The following LDLRAD4 variants were observed in gnomAD, a reference collection of about 807,000 sequenced individuals.
LDLRAD4 encodes low-density lipoprotein receptor class A domain-containing protein 4.
LDLRAD4 carries 5 observed loss-of-function variants against 17.0 expected under a neutral mutation model. That is an observed-to-expected ratio of 0.29 (90% CI 0.15 to 0.62). The LOEUF (loss-of-function observed/expected upper bound fraction) is 0.62. LDLRAD4 is among the 20% of genes least tolerant of loss of function. LDLRAD4 has a pLI of 0.84. For missense variants in LDLRAD4, 340 were observed against 424.7 expected (o/e 0.80, Z 1.75); for synonymous variants, 168 against 171.8 (o/e 0.98, Z 0.17).
At chr18:13,562,100 C>T (rs1245536568) in intron 3 of LDLRAD4, among the ~76,000 whole-genome samples, 1 of 152,240 alleles carries the variant, frequency 6.6e-6, no homozygotes, top group African/African-American at 2.4e-5. Context: ...AATCGTGGTC[C>T]TGACTCAGTG....
chr18:13,315,851 A>G (rs2080904610), intron 1 of LDLRAD4, among the ~76,000 whole-genome samples: 1 of 152,168 alleles, frequency 6.6e-6, no homozygotes, highest in Non-Finnish European at 1.5e-5. Flanking sequence ...GAAAAATACA[A>G]TAAATGAAAT....
chr18:13,253,430 T>G (rs1388928972), intron 1 of LDLRAD4, among the ~76,000 whole-genome samples: 1 of 152,180 alleles, frequency 6.6e-6, no homozygotes, highest in Non-Finnish European at 1.5e-5. Flanking sequence ...TCTTTTTCCC[T>G]TTTCCACACC....
At chr18:13,294,064 A>G (rs1567976049) in intron 1 of LDLRAD4, among the ~76,000 whole-genome samples, 1 of 152,234 alleles carries the variant, frequency 6.6e-6, no homozygotes, top group African/African-American at 2.4e-5. Context: ...AATTTTTTGA[A>G]TTGCAGACGT....
intron 1 of LDLRAD4, among the ~76,000 whole-genome samples, chr18:13,336,944 A>G (rs537819409): frequency 7.2e-5 from 11 of 152,090 alleles, no homozygotes; most frequent in Non-Finnish European, 1.6e-4. Flanking sequence ...CTTTTTTTAT[A>G]GAATAACTTT....
intron 3 of LDLRAD4, among the ~76,000 whole-genome samples, chr18:13,597,244 A>G (rs190706911): frequency 1.3e-5 from 2 of 152,156 alleles, no homozygotes; most frequent in Admixed American, 6.5e-5. Context: ...ATGTCATCCC[A>G]TTGTCTTCTG....
intron 3 of LDLRAD4, among the ~76,000 whole-genome samples, chr18:13,500,341 G>A (rs765171143): frequency 2.1e-4 from 32 of 152,202 alleles, no homozygotes; most frequent in African/African-American, 6.3e-4. Flanking sequence ...GGGGCTGTGC[G>A]GGACAGTGGC....
At chr18:13,401,386 A>C (rs933958139) in intron 2 of LDLRAD4, among the ~76,000 whole-genome samples, 2 of 145,122 alleles carry the variant, frequency 1.4e-5, no homozygotes, top group Non-Finnish European at 3.0e-5. Flanking sequence ...AAAAAAAAAA[A>C]CTGTCCCTTT....
At chr18:13,314,592 T>C (rs2080831337) in intron 1 of LDLRAD4, among the ~76,000 whole-genome samples, 1 of 152,236 alleles carries the variant, frequency 6.6e-6, no homozygotes, top group South Asian at 2.1e-4. Flanking sequence ...CGCAGTGTTC[T>C]GTGATGCTTT....
chr18:13,640,715 C>T (rs1418917341), intron 4 of LDLRAD4, among the ~76,000 whole-genome samples: 2 of 151,996 alleles, frequency 1.3e-5, no homozygotes, highest in Non-Finnish European at 2.9e-5. Flanking sequence ...GGGGAGGAGA[C>T]CCCAGGGCTG....
intron 3 of LDLRAD4, among the ~76,000 whole-genome samples, chr18:13,579,694 A>C (rs540250451): frequency 6.6e-6 from 1 of 152,374 alleles, no homozygotes; most frequent in East Asian, 1.9e-4. Context: ...CTATGTAAAT[A>C]GCATTGAAAT....
chr18:13,222,052 T>C (rs1321736220), intron 1 of LDLRAD4, among the ~76,000 whole-genome samples: 2 of 152,246 alleles, frequency 1.3e-5, no homozygotes, highest in African/African-American at 4.8e-5. Context: ...GGACACAGAA[T>C]GTCTGGCTCA....
intron 4 of LDLRAD4, chr18:13,642,069 T>TC: frequency 1.0e-6 from 1 of 985,470 alleles, no homozygotes; most frequent in Non-Finnish European, 1.2e-6. Flanking sequence ...GCCGGGCCCT[T>TC]CCCTCCCGTC....
intron 1 of LDLRAD4, among the ~76,000 whole-genome samples, chr18:13,333,785 C>T (rs2081978043): frequency 6.6e-6 from 1 of 152,094 alleles, no homozygotes; most frequent in Non-Finnish European, 1.5e-5. Flanking sequence ...TCATCAATAC[C>T]ACACTGTCTC....
At chr18:13,221,465 A>G (rs900697759) in intron 1 of LDLRAD4, among the ~76,000 whole-genome samples, 3 of 152,196 alleles carry the variant, frequency 2.0e-5, no homozygotes, top group African/African-American at 7.2e-5. Flanking sequence ...TACATGGAAG[A>G]TGAGTCTTAA....
At chr18:13,429,978 C>T (rs141905661) in intron 2 of LDLRAD4, among the ~76,000 whole-genome samples, 87 of 152,190 alleles carry the variant, frequency 5.7e-4, no homozygotes, top group African/African-American at 1.9e-3. Context: ...TCCTGGGTCT[C>T]GGGGCGGTGG....
chr18:13,354,352 C>T (rs1298821759), intron 1 of LDLRAD4, among the ~76,000 whole-genome samples: 3 of 152,160 alleles, frequency 2.0e-5, no homozygotes, highest in Non-Finnish European at 4.4e-5. Flanking sequence ...TGCAGCACAA[C>T]TTTTTATTTA....
At chr18:13,591,790 G>A (rs1471455261) in intron 3 of LDLRAD4, among the ~76,000 whole-genome samples, 5 of 151,978 alleles carry the variant, frequency 3.3e-5, no homozygotes, top group Non-Finnish European at 7.4e-5. Flanking sequence ...GCGGTCACTT[G>A]TACGTGAGGC....
At chr18:13,646,995 A>G (rs2043039191) in exon 6 of LDLRAD4, 1 of 152,154 alleles carries the variant, frequency 6.6e-6, no homozygotes. Context: ...ATTGTGGGTT[A>G]TTGTATGTCA....
intron 3 of LDLRAD4, among the ~76,000 whole-genome samples, chr18:13,498,837 TCC>T (rs2093543523): frequency 1.1e-5 from 1 of 94,540 alleles, no homozygotes; most frequent in African/African-American, 4.3e-5. Flanking sequence ...CCCACACATG[TCC>T]CCAGCCGTAG....
Sources: gnomAD v4.1 joint callset for allele counts (sites outside exome capture counted in the v4.1 genomes callset) on GRCh38, gnomAD v4.1.1 for gene constraint, MANE v1.5 for transcripts, NCBI Gene and HGNC (gene_info 2026-07-23, HGNC 2026-07-21) for gene names.